COMMD8: variants seen among roughly 807,000 people sequenced by gnomAD.
The protein encoded by COMMD8 is COMM domain-containing protein 8.
COMMD8 carries 28 observed loss-of-function variants against 27.2 expected under a neutral mutation model. The observed-to-expected ratio is 1.03, with a 90% CI of 0.76 to 1.41. The LOEUF (loss-of-function observed/expected upper bound fraction) is 1.41, where lower values mean the gene tolerates loss of function less well. Ranked by LOEUF, COMMD8 falls within the 40% of genes most tolerant of loss-of-function variation. The pLI, the probability that COMMD8 is intolerant of heterozygous loss-of-function variation, is 0.00. For missense variants in COMMD8, 217 were observed against 211.2 expected (o/e 1.03, Z -0.17); for synonymous variants, 79 against 75.5 (o/e 1.05, Z -0.24).
In COMMD8 at chr4:47,451,387, T is replaced by C; in HGVS notation, c.*258A>G. 1 of 396,290 alleles carries C rather than the reference T, an allele frequency of 2.5e-6. No individual in the cohort carries two copies. Among genetic ancestry groups the C allele is most frequent in the Non-Finnish European group, 4.5e-6 (1 of 223,284 alleles). 24.5% of individuals were successfully genotyped at this position (396,290 alleles called of 1,614,324 possible). ...CTCCAAAGATTTCTCAAATATTTAATAAATGAGGCAAAACAATCATGAAAA... is the reference window on the plus strand; with the variant it reads ...CTCCAAAGATTTCTCAAATATTTAACAAATGAGGCAAAACAATCATGAAAA... On this transcript the variant is annotated 3_prime_UTR_variant, in exon 5 of 5. Coordinates refer to ENST00000381571, the MANE Select transcript of COMMD8 (RefSeq NM_017845.5).
At chr4:47,457,486 A>G (rs199834598) in intron 2 of COMMD8, among the ~76,000 whole-genome samples, 2 of 152,306 alleles carry the variant, frequency 1.3e-5, no homozygotes, top group East Asian at 1.9e-4. Context: ...AATGCATTCT[A>G]CCTAACCTTA....
intron 4 of COMMD8, among the ~76,000 whole-genome samples, chr4:47,452,399 G>C (rs373733640): frequency 2.0e-5 from 3 of 151,952 alleles, no homozygotes; most frequent in African/African-American, 7.3e-5. Context: ...TTTTAGGATC[G>C]TAATTTTTTT....
intron 3 of COMMD8, among the ~76,000 whole-genome samples, chr4:47,454,399 T>C (rs2109353864): frequency 6.6e-6 from 1 of 152,352 alleles, no homozygotes; most frequent in South Asian, 2.1e-4. Flanking sequence ...ATGGTCTCAG[T>C]GTTTCAAAGC....
At chr4:47,455,939 A>G (rs935700685) in intron 3 of COMMD8, among the ~76,000 whole-genome samples, 2 of 152,152 alleles carry the variant, frequency 1.3e-5, no homozygotes, top group Non-Finnish European at 1.5e-5. Flanking sequence ...TAAAGTCTAG[A>G]AAGTTGTGGT....
Position 47,463,601 on chromosome 4 carries a change from G to A in COMMD8, c.51C>T (p.Ala17=), listed in dbSNP as rs781419954. 6.7e-5 allele frequency: 104 copies of A among 1,546,326 alleles called. No homozygotes were observed. Among genetic ancestry groups the A allele is most frequent in the Non-Finnish European group, 8.6e-5 (99 of 1,146,152 alleles). Residue 17 remains alanine (A), a synonymous_variant, in exon 1 of 5, where the codon GCC becomes GCT. Transcript: ENST00000381571. ...CCGCCCTCACCTGCGGGCCCAGCTCGGCCGGCAGCTTCTGCAGCCGCCACA... is the reference window on the plus strand; with the variant it reads ...CCGCCCTCACCTGCGGGCCCAGCTCAGCCGGCAGCTTCTGCAGCCGCCACA... ...TPLWRLQKLP[A]ELGPQLLHKI...
rs1729738923 is a variant in COMMD8 at position 47,451,028 on chromosome 4, CTTGAT to C, written c.*612_*616del. 2.0e-5 allele frequency: 3 copies of C among 152,042 alleles called. No homozygotes were observed. Among genetic ancestry groups the C allele is most frequent in the African/African-American group, 4.8e-5 (2 of 41,414 alleles). 9.4% of individuals were successfully genotyped at this position (152,042 alleles called of 1,614,324 possible). A position where few individuals can be genotyped will look rare whatever the true frequency, so the allele number is the denominator to read the frequency against. On this transcript the variant is annotated 3_prime_UTR_variant, in exon 5 of 5. Transcript: ENST00000381571. ...AATGTTATTTTCATTTTTCTGTATT[CTTGAT>C]TTTAGTTTCTAGAATTCATAAACTC... is the stretch of plus-strand genomic sequence containing the variant.
chr4:47,451,605 A>G lies in COMMD8; in HGVS notation c.*40T>C, dbSNP rs755044306. 5.2e-6 allele frequency: 8 copies of G among 1,548,894 alleles called. No homozygotes were observed. Among genetic ancestry groups the G allele is most frequent in the Admixed American group, 1.7e-5 (1 of 57,624 alleles). On this transcript the variant is annotated 3_prime_UTR_variant, in exon 5 of 5. Transcript: ENST00000381571. ...GTATTCACTCTGCCATATAAGTTGG[A>G]GCAATAAAATCTGATAGGACTGGTA...
At chr4:47,458,660 A>G (rs1729949608) in intron 2 of COMMD8, among the ~76,000 whole-genome samples, 1 of 152,118 alleles carries the variant, frequency 6.6e-6, no homozygotes, top group Non-Finnish European at 1.5e-5. Flanking sequence ...GTAGGTTAAA[A>G]CTGAAAAGTT....
chr4:47,453,013 CA>C, intron 4 of COMMD8, 45 bp downstream of exon 4: 1 of 1,532,198 alleles, frequency 6.5e-7, no homozygotes, highest in Non-Finnish European at 8.8e-7. Flanking sequence ...AAAAAAACCC[CA>C]AAACCTTAAA....
intron 1 of COMMD8, 35 bp downstream of exon 1, chr4:47,463,551 G>T (rs568325979): frequency 2.0e-6 from 3 of 1,534,346 alleles, no homozygotes; most frequent in Admixed American, 2.0e-5. Flanking sequence ...GCGAATCCCA[G>T]GCCCCGCGCC....
rs749231566 is a variant in COMMD8 at position 47,460,300 on chromosome 4, C to G, written c.67-1G>C. ...TGCCATCAATTATTTTGTGAAGAAGCTAGCAAGAAAAAAGGAAATAAATGT... is the reference window on the plus strand; with the variant it reads ...TGCCATCAATTATTTTGTGAAGAAGGTAGCAAGAAAAAAGGAAATAAATGT... On this transcript the variant is annotated splice_acceptor_variant, in intron 1 of 4. Coordinates refer to ENST00000381571, the MANE Select transcript of COMMD8 (RefSeq NM_017845.5). LOFTEE classifies it high-confidence loss of function. 6.2e-7 allele frequency: 1 copy of G among 1,606,272 alleles called. No individual in the cohort carries two copies. The highest frequency in any genetic ancestry group is 2.2e-5 in the East Asian group (1 of 44,500).
rs1246836157 is a variant in COMMD8 at position 47,451,351 on chromosome 4, A to G, written c.*294T>C. The G allele has an allele frequency of 2.9e-6, 1 of 341,726 alleles. No homozygotes were observed. Among genetic ancestry groups the G allele is most frequent in the Non-Finnish European group, 5.3e-6 (1 of 188,222 alleles). 21.2% of individuals were successfully genotyped at this position (341,726 alleles called of 1,614,324 possible). A position where few individuals can be genotyped will look rare whatever the true frequency, so the allele number is the denominator to read the frequency against. On this transcript the variant is annotated 3_prime_UTR_variant, in exon 5 of 5. Transcript: ENST00000381571. Reference sequence around the variant, plus strand: ...TAGAACCTATTTTTAGCTTTCAATAAAACTATGTATCTCCAAAGATTTCTC... The same window carrying G: ...TAGAACCTATTTTTAGCTTTCAATAGAACTATGTATCTCCAAAGATTTCTC...
At chr4:47,458,473 A>G (rs1280936901) in intron 2 of COMMD8, among the ~76,000 whole-genome samples, 3 of 152,146 alleles carry the variant, frequency 2.0e-5, no homozygotes, top group Admixed American at 6.5e-5. Flanking sequence ...TCATTTACTC[A>G]GAAATAAAAA....
intron 1 of COMMD8, 101 bp downstream of exon 1, chr4:47,463,485 G>GGGA: frequency 8.9e-7 from 1 of 1,119,690 alleles, no homozygotes; most frequent in South Asian, 1.4e-5. Context: ...CCCTTCCCTA[G>GGGA]GGAGCTTGCG....
At chr4:47,453,248 T>G in intron 3 of COMMD8, 34 bp from the exon 4 acceptor site, 5 of 1,580,902 alleles carry the variant, frequency 3.2e-6, no homozygotes, top group Middle Eastern at 1.8e-4. Flanking sequence ...AATTAATAAA[T>G]AGTAAAAAGA....
At chr4:47,452,905 A>G (rs931599883) in intron 4 of COMMD8, among the ~76,000 whole-genome samples, 154 bp downstream of exon 4, 1 of 152,194 alleles carries the variant, frequency 6.6e-6, no homozygotes, top group African/African-American at 2.4e-5. Flanking sequence ...CTCAGGCACG[A>G]GAATCGCTTG....
At chr4:47,463,435 A>G in intron 1 of COMMD8, 151 bp downstream of exon 1, 1 of 705,874 alleles carries the variant, frequency 1.4e-6, no homozygotes, top group South Asian at 1.8e-5. Flanking sequence ...TCCCCAGGGA[A>G]GGCGGGGACC....
At chr4:47,463,268 GGTTA>G (rs1730111943) in intron 1 of COMMD8, among the ~76,000 whole-genome samples, 1 of 152,202 alleles carries the variant, frequency 6.6e-6, no homozygotes, top group Non-Finnish European at 1.5e-5. Context: ...GCCTTTGGGA[GGTTA>G]TGTGTTGAAT....
intron 4 of COMMD8, among the ~76,000 whole-genome samples, chr4:47,452,616 A>G (rs1053432374): frequency 6.6e-6 from 1 of 152,252 alleles, no homozygotes; most frequent in African/African-American, 2.4e-5. Context: ...ACATATTAAC[A>G]AAGTATTTTC....
Sources: allele counts gnomAD v4.1 joint callset (sites outside exome capture counted in the v4.1 genomes callset), GRCh38; gene constraint gnomAD v4.1.1; transcripts MANE v1.5; gene names NCBI Gene and HGNC (gene_info 2026-07-23, HGNC 2026-07-21).